The following VPS53 variants were observed in gnomAD, a reference collection of about 807,000 sequenced individuals.
VPS53 encodes the protein vacuolar protein sorting-associated protein 53 homolog.
Under a neutral mutation model 107.0 loss-of-function variants are expected in VPS53, and 70 were observed. The ratio of observed to expected loss-of-function variants is 0.65; its 90% CI spans 0.54 to 0.80. The LOEUF (loss-of-function observed/expected upper bound fraction) is 0.80, where lower values mean the gene tolerates loss of function less well. Among genes scored for constraint, VPS53 ranks in the 30% least tolerant of loss-of-function variants. The pLI is 0.00. For synonymous variants in VPS53, 409 were observed against 393.3 expected (o/e 1.04, Z -0.47); for missense variants, 917 against 1,049.4 (o/e 0.87, Z 1.74).
At chr17:666,238 T>TA (rs962053128) in intron 4 of VPS53, among the ~76,000 whole-genome samples, 1 of 151,318 alleles carries the variant, frequency 6.6e-6, no homozygotes, top group Non-Finnish European at 1.5e-5. Context: ...AAGTCTAAAA[T>TA]AAAAAAAAGC....
At chr17:566,353 C>A (rs191549139) in intron 13 of VPS53, among the ~76,000 whole-genome samples, 18 of 152,314 alleles carry the variant, frequency 1.2e-4, no homozygotes, top group Non-Finnish European at 1.8e-4. Context: ...CCAGTCACCT[C>A]TATCAACTGA....
At position 630,529 on chromosome 17, in the gene VPS53, A is replaced by T. The variant is rs115717096; in HGVS notation, c.687+1021T>A. Among the ~76,000 whole-genome samples, 643 of 152,346 alleles carry T rather than the reference A, an allele frequency of 4.2e-3. 6 individuals are homozygous for T. The highest frequency in any genetic ancestry group is 0.015 in the African/African-American group (614 of 41,572). ...CTAAGGAATATGAGGTTCTCCAAGG[A>T]AAGTGCTTTACAAATAAGCATCTGA... On this transcript the variant is annotated intron_variant, in intron 8 of 21. Coordinates refer to ENST00000437048, the MANE Select transcript of VPS53 (RefSeq NM_001128159.3).
intron 2 of VPS53, among the ~76,000 whole-genome samples, chr17:699,694 GC>G (rs1326128303): frequency 6.6e-6 from 1 of 152,182 alleles, no homozygotes; most frequent in Non-Finnish European, 1.5e-5. Flanking sequence ...CAGCCACAAA[GC>G]CTGAAGTATT....
chr17:627,235 T>C lies in VPS53; in HGVS notation c.913A>G (p.Met305Val). The C allele has an allele frequency of 3.7e-6, 6 of 1,614,082 alleles. No homozygotes were observed. The highest frequency in any genetic ancestry group is 1.1e-5 in the South Asian group (1 of 91,048). ...GCCATGCACCACTCACGTGGAAACATGCGGCCGTATTTCTCCTCATAGTCC... is the reference window on the plus strand; with the variant it reads ...GCCATGCACCACTCACGTGGAAACACGCGGCCGTATTTCTCCTCATAGTCC... ...LVDYEEKYGR[M>V]FPREWCMAER... The change falls in exon 10 of 22, where the codon ATG (methionine) becomes GTG (valine). Residue 305 changes from methionine to valine, a missense_variant. Transcript: ENST00000437048.
intron 15 of VPS53, among the ~76,000 whole-genome samples, chr17:558,526 C>T (rs993972937): frequency 6.6e-6 from 1 of 152,044 alleles, no homozygotes; most frequent in Non-Finnish European, 1.5e-5. Flanking sequence ...CCCAGCTACT[C>T]GCGAGGCTGA....
intron 11 of VPS53, among the ~76,000 whole-genome samples, chr17:621,388 C>G (rs1969460790): frequency 6.6e-6 from 1 of 152,202 alleles, no homozygotes; most frequent in Non-Finnish European, 1.5e-5. Context: ...TGCAGTTCAC[C>G]TCTTTCTTTG....
intron 11 of VPS53, among the ~76,000 whole-genome samples, chr17:618,413 A>G (rs1372742412): frequency 2.4e-4 from 28 of 118,234 alleles, no homozygotes; most frequent in East Asian, 5.3e-4. Context: ...ACCACGCCCC[A>G]CTAATATTTC....
intron 3 of VPS53, 48 bp from the exon 4 acceptor site, chr17:697,532 A>G (rs1973021140): frequency 2.7e-6 from 4 of 1,474,496 alleles, no homozygotes; most frequent in Non-Finnish European, 3.8e-6. Flanking sequence ...TCTTTATTCT[A>G]GGTTGACCAA....
At position 642,455 on chromosome 17, in the gene VPS53, TGAGGACAACACTCATACTTGGAAACC is replaced by T. The variant is rs1567700581; in HGVS notation, c.608+10810_609-10828del. Among the ~76,000 whole-genome samples the T allele has an allele frequency of 7.1e-4, 65 of 91,050 alleles. 2 individuals are homozygous for T. In the East Asian group the frequency reaches 0.022, roughly 31 times the overall value. The allele number at this position is 91,050 out of a possible 152,430, so 59.7% of individuals were successfully genotyped here. A position where few individuals can be genotyped will look rare whatever the true frequency, so the allele number is the denominator to read the frequency against. ...GAGGACAACACTCATACTTGGCAAC[TGAGGACAACACTCATACTTGGAAACC>T]GAGGACAACACTCATACTTGGAAAG... On this transcript the variant is annotated intron_variant, in intron 7 of 21. Transcript: ENST00000437048.
At chr17:574,674 A>G (rs1319783305) in intron 13 of VPS53, among the ~76,000 whole-genome samples, 1 of 152,128 alleles carries the variant, frequency 6.6e-6, no homozygotes, top group African/African-American at 2.4e-5. Context: ...CTGAGTAGGA[A>G]AGACTGCTGA....
At chr17:531,141 G>T (rs999756049) in intron 19 of VPS53, among the ~76,000 whole-genome samples, 1 of 152,192 alleles carries the variant, frequency 6.6e-6, no homozygotes, top group Non-Finnish European at 1.5e-5. Context: ...CAGCTACATG[G>T]CTGCTTGAGT....
intron 13 of VPS53, among the ~76,000 whole-genome samples, chr17:585,702 C>T (rs1247853095): frequency 6.6e-6 from 1 of 151,988 alleles, no homozygotes; most frequent in Non-Finnish European, 1.5e-5. Flanking sequence ...TAAAGGAGAC[C>T]AAGATCAAAG....
rs200157618 is a variant in VPS53 at position 669,592 on chromosome 17, TA to T, written c.286-7698del. 1.5e-3 allele frequency among the ~76,000 whole-genome samples: 167 copies of T among 110,212 alleles called. 2 individuals carry two copies. The highest frequency in any genetic ancestry group is 1.7e-3 in the African/African-American group (51 of 30,122). The allele number at this position is 110,212 out of a possible 152,430, so 72.3% of individuals were successfully genotyped here. A position where few individuals can be genotyped will look rare whatever the true frequency, so the allele number is the denominator to read the frequency against. ...TGGGTGACAGAGACATACTCTGTCTTAAAAAAAAAAAAAAAATTAGGCCAGG... is the reference window on the plus strand; with the variant it reads ...TGGGTGACAGAGACATACTCTGTCTTAAAAAAAAAAAAAAATTAGGCCAGG... On this transcript the variant is annotated intron_variant, in intron 4 of 21. Coordinates refer to ENST00000437048, the MANE Select transcript of VPS53 (RefSeq NM_001128159.3).
At chr17:670,029 C>G (rs1971871661) in intron 4 of VPS53, among the ~76,000 whole-genome samples, 1 of 152,204 alleles carries the variant, frequency 6.6e-6, no homozygotes. Context: ...ACTAGAGTTT[C>G]TGAACGGAGC....
chr17:593,289 A>G (rs1414358565), intron 12 of VPS53, among the ~76,000 whole-genome samples: 1 of 152,192 alleles, frequency 6.6e-6, no homozygotes, highest in East Asian at 1.9e-4. Context: ...CAATGGCAAC[A>G]AAAGACAAAA....
chr17:638,691 A>G (rs1970300616), intron 7 of VPS53, among the ~76,000 whole-genome samples: 1 of 152,122 alleles, frequency 6.6e-6, no homozygotes, highest in Admixed American at 6.5e-5. Context: ...GTTTGGCTGG[A>G]TATGAAATTC....
At chr17:624,689 A>G (rs1207515958) in intron 10 of VPS53, among the ~76,000 whole-genome samples, 1 of 152,208 alleles carries the variant, frequency 6.6e-6, no homozygotes, top group Non-Finnish European at 1.5e-5. Context: ...TGCTGGCTCT[A>G]GCATACGTCC....
intron 12 of VPS53, among the ~76,000 whole-genome samples, chr17:598,064 C>A (rs1224194333): frequency 6.6e-6 from 1 of 151,966 alleles, no homozygotes; most frequent in Non-Finnish European, 1.5e-5. Flanking sequence ...CTCACTGCAA[C>A]CTCCCTGCCT....
At chr17:683,125 AAAAAG>A (rs1294477878) in intron 4 of VPS53, among the ~76,000 whole-genome samples, 1 of 152,184 alleles carries the variant, frequency 6.6e-6, no homozygotes, top group Non-Finnish European at 1.5e-5. Flanking sequence ...ACAAAGAGGA[AAAAAG>A]AAAAGAAAAT....
Sources: gnomAD v4.1 joint callset for allele counts (sites outside exome capture counted in the v4.1 genomes callset) on GRCh38, gnomAD v4.1.1 for gene constraint, MANE v1.5 for transcripts, NCBI Gene and HGNC (gene_info 2026-07-23, HGNC 2026-07-21) for gene names.